The following EPS15L1 variants were observed in gnomAD, a reference collection of about 807,000 sequenced individuals.
EPS15L1 encodes the protein epidermal growth factor receptor pathway substrate 15 like 1.
Under a neutral mutation model 117.1 loss-of-function variants are expected in EPS15L1, and 43 were observed. The observed-to-expected ratio is 0.37, with a 90% confidence interval of 0.29 to 0.47. EPS15L1 has a LOEUF of 0.47. Among genes scored for constraint, EPS15L1 ranks in the 20% least tolerant of loss-of-function variants. The probability of loss-of-function intolerance (pLI) is 0.99; values close to 1 mark genes in which losing one functional copy is unlikely to be tolerated. For synonymous variants in EPS15L1, 459 were observed against 470.5 expected, an observed-to-expected ratio of 0.98 and a Z score of 0.32; for missense variants, 981 against 1,164.0, an observed-to-expected ratio of 0.84 and a Z score of 2.29.
chr19:16,376,298 G>A (rs1344647041), intron 22 of EPS15L1, among the ~76,000 whole-genome samples: 5 of 152,222 alleles, frequency 3.3e-5, no homozygotes. Context: ...AATGGATCAG[G>A]GAGCTGCAGT....
At chr19:16,377,369 G>A in intron 21 of EPS15L1, 115 bp from the exon 22 acceptor site, 2 of 1,201,584 alleles carry the variant, frequency 1.7e-6, no homozygotes, top group Non-Finnish European at 2.4e-6. Context: ...CTACCCTCTG[G>A]ACTGCACAAC....
intron 18 of EPS15L1, among the ~76,000 whole-genome samples, chr19:16,393,048 A>C (rs4808502): frequency 0.25 from 37,686 of 149,982 alleles, 4,964 homozygotes; most frequent in Admixed American, 0.3. Flanking sequence ...TCTCTAAATA[A>C]ATAAATAAAA....
intron 22 of EPS15L1, among the ~76,000 whole-genome samples, chr19:16,372,038 G>A (rs915815773): frequency 3.3e-5 from 5 of 152,190 alleles, no homozygotes; most frequent in African/African-American, 4.8e-5. Context: ...CACCTTTCTT[G>A]AAAAGACCTC....
chr19:16,425,188 G>T lies in EPS15L1; in HGVS notation c.687C>A (p.Ser229Arg), dbSNP rs751582706. Residue 229 changes from serine (S) to arginine (R), a missense_variant, in exon 9 of 24, where the codon AGC (serine) becomes AGA (arginine). Physicochemically the swap from Ser to Arg is moderately radical, Grantham distance 110. This residue lies in a region of EPS15L1 where 819 missense variants were observed against 949.0 expected (regional missense o/e 0.86). Transcript: ENST00000455140. ...AGCGGAGGCTGTCTTTTGGTGGGGGGCTGGCAGGCAGGACGGGGACGGCGC... is the reference window on the plus strand; with the variant it reads ...AGCGGAGGCTGTCTTTTGGTGGGGGTCTGGCAGGCAGGACGGGGACGGCGC... ...FPGAVPVLPA[S>R]PPPKDSLRST... is the part of the protein sequence containing the mutation. 5 of 1,613,102 alleles carry T rather than the reference G, an allele frequency of 3.1e-6. No homozygotes were observed. Among genetic ancestry groups the T allele is most frequent in the African/African-American group, 1.3e-5 (1 of 74,914 alleles).
intron 19 of EPS15L1, among the ~76,000 whole-genome samples, chr19:16,387,473 G>A (rs532593659): frequency 5.3e-5 from 8 of 152,364 alleles, no homozygotes; most frequent in African/African-American, 1.4e-4. Context: ...TGGGCGTGGT[G>A]GTGGATGCCT....
chr19:16,451,759 G>A (rs2093145880), intron 1 of EPS15L1, among the ~76,000 whole-genome samples: 1 of 150,806 alleles, frequency 6.6e-6, no homozygotes, highest in Non-Finnish European at 1.5e-5. Context: ...TCGATCTCCT[G>A]ACCTCGTGAT....
chr19:16,401,369 G>A (rs567817263), intron 16 of EPS15L1: 17 of 985,438 alleles, frequency 1.7e-5, no homozygotes, highest in Middle Eastern at 1.0e-3. Flanking sequence ...GGTGTTTAGA[G>A]AGCACGAGCG....
rs575104755 is a variant in EPS15L1 at position 16,422,957 on chromosome 19, C to CG, written c.793-1482dup. Among the ~76,000 whole-genome samples, 367 of 115,868 alleles carry CG rather than the reference C, an allele frequency of 3.2e-3. 4 individuals are homozygous for CG. The highest frequency in any genetic ancestry group is 0.013 in the South Asian group (45 of 3,538). The allele number at this position is 115,868 out of a possible 152,430, so 76.0% of individuals were successfully genotyped here. Reference sequence around the variant, plus strand: ...TGGGCGACAGAGCAAGACTCCGTCTCGGGGAAAAAAAAAGGGGGGGGGGAT... The same window carrying CG: ...TGGGCGACAGAGCAAGACTCCGTCTCGGGGGAAAAAAAAAGGGGGGGGGGAT... On this transcript the variant is annotated intron_variant, in intron 9 of 23. Transcript: ENST00000455140.
intron 1 of EPS15L1, among the ~76,000 whole-genome samples, chr19:16,453,644 C>T (rs537082587): frequency 6.6e-6 from 1 of 151,628 alleles, no homozygotes; most frequent in Non-Finnish European, 1.5e-5. Context: ...ACCCGGGAGG[C>T]GGATCTTGCA....
chr19:16,431,031 G>A (rs1411687369), intron 7 of EPS15L1, among the ~76,000 whole-genome samples: 1 of 152,078 alleles, frequency 6.6e-6, no homozygotes, highest in Non-Finnish European at 1.5e-5. Flanking sequence ...CTGAGGCCAG[G>A]AGTTCGAGAC....
At chr19:16,395,515 T>C in intron 16 of EPS15L1, 48 bp from the exon 17 acceptor site, 8 of 1,577,506 alleles carry the variant, frequency 5.1e-6, no homozygotes, top group Non-Finnish European at 7.0e-6. Flanking sequence ...ATTTCTGAGT[T>C]AAAGCAAAGT....
At chr19:16,437,374 G>A (rs2092988563) in intron 5 of EPS15L1, among the ~76,000 whole-genome samples, 1 of 152,174 alleles carries the variant, frequency 6.6e-6, no homozygotes. Context: ...GATGCTGAGA[G>A]AGAGGCCAGA....
At chr19:16,400,264 G>A (rs935081081) in intron 16 of EPS15L1, among the ~76,000 whole-genome samples, 162 of 151,394 alleles carry the variant, frequency 1.1e-3, no homozygotes, top group African/African-American at 3.8e-3. Context: ...TTGGACCCGG[G>A]AGGCAGAGGT....
At chr19:16,430,594 T>A (rs59028060) in intron 7 of EPS15L1, among the ~76,000 whole-genome samples, 2,178 of 152,316 alleles carry the variant, frequency 0.014, 48 homozygotes, top group African/African-American at 0.05. Flanking sequence ...AGTCTCAGCC[T>A]CTTAGCTATT....
chr19:16,428,690 A>T lies in EPS15L1; in HGVS notation c.558+12T>A. ...TTCCTGGGCTGGGTGGGGAGGAAAC[A>T]GCAGGACTTACCACAGCGAACTCAT... On this transcript the variant is annotated intron_variant, in intron 8 of 23. Transcript: ENST00000455140. 4 of 1,610,148 alleles carry T rather than the reference A, an allele frequency of 2.5e-6. No individual in the cohort carries two copies. The highest frequency in any genetic ancestry group is 3.4e-6 in the Non-Finnish European group (4 of 1,178,298).
chr19:16,387,895 A>AAAAT (rs751485911), intron 19 of EPS15L1, among the ~76,000 whole-genome samples: 3 of 152,226 alleles, frequency 2.0e-5, no homozygotes, highest in Non-Finnish European at 4.4e-5. Flanking sequence ...AAAAGAATGA[A>AAAAT]AAATAAATAA....
chr19:16,467,709 G>A (rs2093316647), intron 1 of EPS15L1, among the ~76,000 whole-genome samples: 1 of 152,142 alleles, frequency 6.6e-6, no homozygotes, highest in South Asian at 2.1e-4. Context: ...AAAGAAACAA[G>A]GGACAAGAGG....
intron 9 of EPS15L1, 134 bp downstream of exon 9, chr19:16,424,949 C>CA: frequency 1.2e-6 from 1 of 839,842 alleles, no homozygotes; most frequent in Non-Finnish European, 2.0e-6. Flanking sequence ...GCGTGAGCCA[C>CA]CGCACCTGGC....
chr19:16,371,368 G>A lies in EPS15L1; in HGVS notation c.2380+5754C>T, dbSNP rs929835519. Among the ~76,000 whole-genome samples the A allele has an allele frequency of 6.6e-6, 1 of 152,190 alleles. No homozygotes were observed. The highest frequency in any genetic ancestry group is 1.9e-4 in the East Asian group (1 of 5,196). On this transcript the variant is annotated intron_variant, in intron 22 of 23. Transcript: ENST00000455140. This position sits in a 1 kb window ranked among gnomAD's most constrained non-coding sequence, Gnocchi z 4.7. The stretch of plus-strand genomic sequence containing the variant: ...TACGGGAGGGGCTTGTTTGCAAGGG[G>A]AAGAATGACTTTTGTCTTCTTCTTT...
Sources: gnomAD v4.1 joint callset for allele counts (sites outside exome capture counted in the v4.1 genomes callset) on GRCh38, gnomAD v4.1.1 for gene constraint, gnomAD v4.1.1 regional missense constraint, Gnocchi (gnomAD v3.1) non-coding constraint, MANE v1.5 for transcripts, NCBI Gene and HGNC (gene_info 2026-07-23, HGNC 2026-07-21) for gene names.